PDXK: variants seen among roughly 807,000 people sequenced by gnomAD.
PDXK encodes pyridoxal kinase.
In PDXK, 15 loss-of-function variants were observed where a neutral mutation model predicts 43.2. That is an observed-to-expected ratio of 0.35 (90% CI 0.23 to 0.53). The LOEUF (loss-of-function observed/expected upper bound fraction) is 0.53, where lower values mean the gene tolerates loss of function less well. PDXK is among the 20% of genes least tolerant of loss of function. The pLI is 0.92. For missense variants in PDXK, 343 were observed against 417.0 expected, an observed-to-expected ratio of 0.82 and a Z score of 1.54; for synonymous variants, 172 against 165.4, an observed-to-expected ratio of 1.04 and a Z score of -0.31.
chr21:43,749,305 A>G (rs1310165917), intron 6 of PDXK, among the ~76,000 whole-genome samples: 1 of 152,094 alleles, frequency 6.6e-6, no homozygotes. Context: ...GGGTTTCACC[A>G]TGTTGGCCAG....
intron 1 of PDXK, chr21:43,721,911 A>G (rs951004770): frequency 6.6e-6 from 1 of 152,362 alleles, no homozygotes; most frequent in Non-Finnish European, 1.5e-5. Flanking sequence ...CCTAAGGTAC[A>G]TATTAGTGGT....
Position 43,753,637 on chromosome 21 carries a change from TG to T in PDXK, c.679del (p.Asp227ThrfsTer56). On this transcript the variant is annotated frameshift_variant, in exon 9 of 11. Transcript: ENST00000291565. LOFTEE classifies it high-confidence loss of function. ...CGCATCCGGATGGACATTCGCAAAG[TG>T]GACGCCGTCTTTGTGGGCACTGGGG... ...MERIRMDIRKVDAVFVGTGDL... is the reference protein window; with the variant it reads ...MERIRMDIRKXDAVFVGTGDL... 2 of 1,613,816 alleles carry T rather than the reference TG, an allele frequency of 1.2e-6. No homozygotes were observed. Among genetic ancestry groups the T allele is most frequent in the Non-Finnish European group, 1.7e-6 (2 of 1,179,800 alleles).
chr21:43,744,911 A>G (rs2083610510), intron 4 of PDXK, among the ~76,000 whole-genome samples: 1 of 152,182 alleles, frequency 6.6e-6, no homozygotes. Context: ...CATACAATGG[A>G]GTATTACTCA....
chr21:43,719,672 G>T (rs1407995630), intron 1 of PDXK: 1 of 985,320 alleles, frequency 1.0e-6, no homozygotes, highest in Non-Finnish European at 1.2e-6. Flanking sequence ...GCTCGTCCTC[G>T]CCCCTTCCCG....
chr21:43,747,169 T>C (rs1401451828), intron 5 of PDXK: 3 of 152,310 alleles, frequency 2.0e-5, no homozygotes, highest in Non-Finnish European at 4.4e-5. Context: ...ACTTAACCCA[T>C]GAGCTGTGTA....
Position 43,755,721 on chromosome 21 carries a change from T to C in PDXK, c.783T>C (p.Ser261=). 1 of 1,614,082 alleles carries C rather than the reference T, an allele frequency of 6.2e-7. No individual in the cohort carries two copies. The highest frequency in any genetic ancestry group is 8.5e-7 in the Non-Finnish European group (1 of 1,179,936). The change falls in exon 10 of 11, where the codon TCT becomes TCC. Residue 261 remains serine, a synonymous_variant. Transcript: ENST00000291565. Reference sequence around the variant, plus strand: ...AGGTGGCCTGTGAGAAGACCGTGTCTACCTTGCACCACGTTCTGCAGAGGA... The same window carrying C: ...AGGTGGCCTGTGAGAAGACCGTGTCCACCTTGCACCACGTTCTGCAGAGGA... ...NLKVACEKTV[S]TLHHVLQRTI...
chr21:43,737,059 A>G lies in PDXK; in HGVS notation c.142+2936A>G, dbSNP rs1255070181. ...GCAATCTTTCTGCCTCCACCTCCCG[A>G]GTGGCTGGGACTATAGTTGTGCACC... On this transcript the variant is annotated intron_variant, in intron 2 of 10. Transcript: ENST00000291565. This position sits in a 1 kb window ranked among gnomAD's most constrained non-coding sequence, Gnocchi z 4.8. 1 of 744,348 alleles carries G rather than the reference A, an allele frequency of 1.3e-6. No individual in the cohort carries two copies. Among genetic ancestry groups the G allele is most frequent in the Non-Finnish European group, 2.4e-6 (1 of 423,322 alleles). 46.1% of individuals were successfully genotyped at this position (744,348 alleles called of 1,614,324 possible). A position where few individuals can be genotyped will look rare whatever the true frequency, so the allele number is the denominator to read the frequency against.
intron 4 of PDXK, among the ~76,000 whole-genome samples, chr21:43,744,807 G>T (rs1371250281): frequency 2.0e-5 from 3 of 152,230 alleles, no homozygotes; most frequent in African/African-American, 2.4e-5. Flanking sequence ...GCGGATGTGC[G>T]TATTCCCACG....
rs2083472525 is a variant in PDXK at position 43,740,245 on chromosome 21, C to T, written c.143-1422C>T. ...TGGGGAAAGCCAAAGGCGTCCCTTC[C>T]AGCGGGAGCCAGCGACTGGTACGCA... On this transcript the variant is annotated intron_variant, in intron 2 of 10. Transcript: ENST00000291565. Among the ~76,000 whole-genome samples the T allele has an allele frequency of 1.3e-5, 2 of 152,112 alleles. 1 individual carries two copies. The highest frequency in any genetic ancestry group is 4.8e-5 in the African/African-American group (2 of 41,462).
chr21:43,729,110 C>A (rs1046507251), intron 1 of PDXK: 39 of 778,060 alleles, frequency 5.0e-5, no homozygotes, highest in Non-Finnish European at 5.8e-5. Context: ...CTGCGGCCTC[C>A]GCGGCTCTTC....
At chr21:43,750,762 T>C (rs115627502) in intron 7 of PDXK, among the ~76,000 whole-genome samples, 10 of 134,336 alleles carry the variant, frequency 7.4e-5, no homozygotes, top group African/African-American at 2.9e-4. Flanking sequence ...TGTGTGCGTG[T>C]GTGCGCGCGT....
intron 1 of PDXK, among the ~76,000 whole-genome samples, chr21:43,725,534 G>C (rs1333211408): frequency 6.6e-6 from 1 of 152,134 alleles, no homozygotes; most frequent in Non-Finnish European, 1.5e-5. Flanking sequence ...GCTGGGCCAG[G>C]CACGGTGGCT....
intron 1 of PDXK, chr21:43,729,047 G>GC: frequency 1.0e-6 from 1 of 983,796 alleles, no homozygotes; most frequent in Non-Finnish European, 1.2e-6. Context: ...GATGAGCGGG[G>GC]CAAAGCCCAG....
intron 1 of PDXK, among the ~76,000 whole-genome samples, chr21:43,730,940 G>A (rs201160698): frequency 6.6e-6 from 1 of 152,214 alleles, no homozygotes; most frequent in African/African-American, 2.4e-5. Flanking sequence ...GGGTGATAGA[G>A]TGAGACCCTG....
intron 1 of PDXK, chr21:43,720,016 T>C: frequency 1.3e-6 from 1 of 784,534 alleles, no homozygotes; most frequent in Non-Finnish European, 1.5e-6. Context: ...TGCAGGTGTT[T>C]GCTCTGACGA....
chr21:43,755,903 G>T (rs754558897), intron 10 of PDXK, 48 bp from the exon 11 acceptor site: 4 of 1,491,836 alleles, frequency 2.7e-6, no homozygotes, highest in South Asian at 1.1e-5. Flanking sequence ...GGGCAACAGC[G>T]GGAGCCCCTC....
intron 1 of PDXK, among the ~76,000 whole-genome samples, chr21:43,733,269 CCCCCGCCCT>C (rs2147229774): frequency 7.4e-6 from 1 of 134,552 alleles, no homozygotes; most frequent in South Asian, 3.1e-4. Flanking sequence ...CCCCCCGCCC[CCCCCGCCCT>C]GGAAACAGCC....
intron 1 of PDXK, among the ~76,000 whole-genome samples, chr21:43,731,504 A>C (rs893197545): frequency 3.3e-5 from 5 of 152,242 alleles, no homozygotes; most frequent in Non-Finnish European, 7.3e-5. Context: ...CTGTAAAACA[A>C]GGTGATTCAC....
chr21:43,758,883 A>C lies in PDXK; in HGVS notation c.*2820A>C, dbSNP rs956707258. ...TAAAATCGATTTTAAATTGTTGCCTAGTCCTGCCAAGGTTATTATGTGCAT... is the reference window on the plus strand; with the variant it reads ...TAAAATCGATTTTAAATTGTTGCCTCGTCCTGCCAAGGTTATTATGTGCAT... On this transcript the variant is annotated 3_prime_UTR_variant, in exon 11 of 11. Transcript: ENST00000291565. 1.3e-5 allele frequency: 2 copies of C among 152,254 alleles called. No homozygotes were observed. The highest frequency in any genetic ancestry group is 4.8e-5 in the African/African-American group (2 of 41,468). The allele number at this position is 152,254 out of a possible 1,614,324, so 9.4% of individuals were successfully genotyped here.
Sources: allele counts gnomAD v4.1 joint callset (sites outside exome capture counted in the v4.1 genomes callset), GRCh38; gene constraint gnomAD v4.1.1; non-coding constraint Gnocchi (gnomAD v3.1); transcripts MANE v1.5; gene names NCBI Gene and HGNC (gene_info 2026-07-23, HGNC 2026-07-21).